The following CDH10 variants were observed in gnomAD, a reference collection of about 807,000 sequenced individuals.
CDH10 encodes cadherin 10, also known as cadherin-10.
CDH10 carries 30 observed loss-of-function variants against 73.1 expected under a neutral mutation model. That is an observed-to-expected ratio of 0.41 (90% CI 0.31 to 0.56). The LOEUF (loss-of-function observed/expected upper bound fraction) is 0.56, where lower values mean the gene tolerates loss of function less well. Ranked by LOEUF, CDH10 falls within the 20% of genes least tolerant of loss-of-function variation. The pLI is 0.27. For missense variants in CDH10, 815 were observed against 973.7 expected (o/e 0.84, Z 2.17); for synonymous variants, 345 against 348.2 (o/e 0.99, Z 0.10).
At chr5:24,584,425 C>G (rs1159173906) in intron 2 of CDH10, among the ~76,000 whole-genome samples, 1 of 141,310 alleles carries the variant, frequency 7.1e-6, no homozygotes, top group Non-Finnish European at 1.5e-5. Flanking sequence ...CTGATGTTCA[C>G]GTTCACATCC....
At chr5:24,545,271 T>C (rs1205004568) in intron 2 of CDH10, among the ~76,000 whole-genome samples, 1 of 152,190 alleles carries the variant, frequency 6.6e-6, no homozygotes, top group African/African-American at 2.4e-5. Context: ...GAAGTCTTCT[T>C]AAGAATCTTG....
chr5:24,610,282 T>C (rs1746900077), intron 1 of CDH10, among the ~76,000 whole-genome samples: 1 of 152,216 alleles, frequency 6.6e-6, no homozygotes, highest in South Asian at 2.1e-4. Context: ...CAAAGAATCC[T>C]AAACATACAT....
At chr5:24,601,447 C>T (rs1255654545) in intron 1 of CDH10, among the ~76,000 whole-genome samples, 5 of 152,206 alleles carry the variant, frequency 3.3e-5, no homozygotes, top group African/African-American at 7.2e-5. Context: ...AATTTACATG[C>T]TAATGTCCTT....
At chr5:24,584,939 G>A (rs75352669) in intron 2 of CDH10, among the ~76,000 whole-genome samples, 7,676 of 150,418 alleles carry the variant, frequency 0.051, 258 homozygotes, top group African/African-American at 0.09. Context: ...CTCAAACTCC[G>A]AGGCTCAGGT....
At chr5:24,492,611 C>T (rs538150558) in intron 10 of CDH10, among the ~76,000 whole-genome samples, 1 of 152,210 alleles carries the variant, frequency 6.6e-6, no homozygotes, top group African/African-American at 2.4e-5. Context: ...ATAAAGAGAC[C>T]TCTTTCAGAT....
At chr5:24,568,327 G>A (rs1745239098) in intron 2 of CDH10, among the ~76,000 whole-genome samples, 1 of 151,900 alleles carries the variant, frequency 6.6e-6, no homozygotes, top group African/African-American at 2.4e-5. Flanking sequence ...ATTAAAAAAA[G>A]ATCAAAGAAA....
chr5:24,609,508 A>G (rs1284533860), intron 1 of CDH10, among the ~76,000 whole-genome samples: 1 of 152,220 alleles, frequency 6.6e-6, no homozygotes, highest in Non-Finnish European at 1.5e-5. Flanking sequence ...ACCTTGGACA[A>G]CAGACTTCAG....
chr5:24,535,666 T>G, intron 4 of CDH10, 37 bp downstream of exon 4: 1 of 1,582,816 alleles, frequency 6.3e-7, no homozygotes, highest in Non-Finnish European at 8.6e-7. Flanking sequence ...GTCATAAAGA[T>G]GATCAAATGA....
chr5:24,590,881 C>A (rs73054503), intron 2 of CDH10, among the ~76,000 whole-genome samples: 21 of 152,038 alleles, frequency 1.4e-4, no homozygotes, highest in African/African-American at 5.1e-4. Flanking sequence ...CATATTACTC[C>A]GACATCTAAA....
At chr5:24,633,715 G>A (rs1020164306) in intron 1 of CDH10, among the ~76,000 whole-genome samples, 9 of 151,782 alleles carry the variant, frequency 5.9e-5, no homozygotes, top group African/African-American at 2.2e-4. Flanking sequence ...TGCAGATTTT[G>A]TAAAACATTT....
intron 6 of CDH10, among the ~76,000 whole-genome samples, 155 bp from the exon 7 acceptor site, chr5:24,509,974 T>C (rs985311169): frequency 5.9e-5 from 9 of 152,334 alleles, no homozygotes; most frequent in Non-Finnish European, 1.3e-4. Context: ...ATAATCTTCA[T>C]GTTTCATTTA....
intron 2 of CDH10, among the ~76,000 whole-genome samples, chr5:24,590,635 G>A (rs1746167773): frequency 6.6e-6 from 1 of 151,972 alleles, no homozygotes; most frequent in South Asian, 2.1e-4. Flanking sequence ...GCAGTAATGG[G>A]TTTCTATCTG....
chr5:24,527,743 T>C (rs1743585352), intron 5 of CDH10, among the ~76,000 whole-genome samples: 2 of 151,888 alleles, frequency 1.3e-5, no homozygotes, highest in African/African-American at 4.8e-5. Context: ...TGGTCCGTCA[T>C]TGACTGAAAT....
chr5:24,542,665 TATAA>T (rs1416427210), intron 2 of CDH10, among the ~76,000 whole-genome samples: 1 of 152,176 alleles, frequency 6.6e-6, no homozygotes, highest in Non-Finnish European at 1.5e-5. Context: ...CTGGGTGGCT[TATAA>T]GCAACAGAAA....
intron 2 of CDH10, among the ~76,000 whole-genome samples, chr5:24,575,355 C>CAAAAAAAAAAAAAAAA (rs751333761): frequency 4.0e-5 from 5 of 123,840 alleles, no homozygotes; most frequent in African/African-American, 6.8e-5. Flanking sequence ...ACAAAAACAA[C>CAAAAAAAAAAAAAAAA]AAAAAAAAAA....
At chr5:24,558,917 A>G (rs1744861163) in intron 2 of CDH10, among the ~76,000 whole-genome samples, 1 of 151,826 alleles carries the variant, frequency 6.6e-6, no homozygotes, top group South Asian at 2.1e-4. Flanking sequence ...TTTTTCTCTC[A>G]TTAAATTAGT....
intron 2 of CDH10, among the ~76,000 whole-genome samples, chr5:24,568,090 A>C: frequency 6.6e-6 from 1 of 152,166 alleles, no homozygotes; most frequent in Non-Finnish European, 1.5e-5. Flanking sequence ...CCAGAAAAAT[A>C]TCCACAAGAC....
intron 9 of CDH10, among the ~76,000 whole-genome samples, chr5:24,493,889 G>T (rs187070048): frequency 1.3e-4 from 20 of 151,914 alleles, no homozygotes; most frequent in African/African-American, 4.8e-4. Context: ...TTAAACAAGT[G>T]ATTTCAAGTT....
At chr5:24,493,968 C>A (rs189287393) in intron 9 of CDH10, among the ~76,000 whole-genome samples, 6 of 151,908 alleles carry the variant, frequency 3.9e-5, no homozygotes, top group Admixed American at 2.6e-4. Context: ...GATTACTTTT[C>A]TTTTAAAATG....
Sources: allele counts gnomAD v4.1 joint callset (sites outside exome capture counted in the v4.1 genomes callset), GRCh38; gene constraint gnomAD v4.1.1; transcripts MANE v1.5; gene names NCBI Gene and HGNC (gene_info 2026-07-23, HGNC 2026-07-21).